Variants in ST8SIA1 observed in about 807,000 individuals in gnomAD.
The protein encoded by ST8SIA1 is ST8 alpha-N-acetyl-neuraminide alpha-2,8-sialyltransferase 1, also known as alpha-N-acetylneuraminide alpha-2,8-sialyltransferase.
Under a neutral mutation model 35.9 loss-of-function variants are expected in ST8SIA1, and 16 were observed. The ratio of observed to expected loss-of-function variants is 0.45; its 90% CI spans 0.30 to 0.68. The LOEUF is 0.68. ST8SIA1 is among the 30% of genes least tolerant of loss of function. ST8SIA1 has a pLI of 0.09. For synonymous variants in ST8SIA1, 170 were observed against 169.6 expected, an observed-to-expected ratio of 1.00 and a Z score of -0.02; for missense variants, 383 against 453.6, an observed-to-expected ratio of 0.84 and a Z score of 1.41.
At chr12:22,249,208 G>GT in intron 3 of ST8SIA1, 110 bp from the exon 4 acceptor site, 55 of 565,508 alleles carry the variant, frequency 9.7e-5, no homozygotes, top group Non-Finnish European at 1.3e-4. Context: ...ACGAGTAACT[G>GT]TTTTGTTTTT....
chr12:22,313,778 GC>G (rs1866482112), intron 1 of ST8SIA1, among the ~76,000 whole-genome samples: 1 of 152,174 alleles, frequency 6.6e-6, no homozygotes, highest in African/African-American at 2.4e-5. Context: ...AGCATGTGTT[GC>G]CAGCAGGAAG....
At chr12:22,207,107 T>C (rs935081758) in intron 4 of ST8SIA1, among the ~76,000 whole-genome samples, 2 of 152,156 alleles carry the variant, frequency 1.3e-5, no homozygotes, top group Non-Finnish European at 2.9e-5. Flanking sequence ...ACAGAAACAG[T>C]GTCCCAGATA....
At chr12:22,262,554 A>G (rs9919724) in intron 2 of ST8SIA1, among the ~76,000 whole-genome samples, 6,263 of 152,244 alleles carry the variant, frequency 0.041, 431 homozygotes, top group African/African-American at 0.14. Context: ...TAATTGTGTG[A>G]CCTCTAGAAG....
rs1865379195 is a variant in ST8SIA1, at chr12:22,228,152, A to T, written c.584+20854T>A. ...AGTGGATGAGGAAAGAGAAGAACTG[A>T]TTAAGAGCAGAAAGGGCATGGCCCT... On this transcript the variant is annotated intron_variant, in intron 4 of 4. Coordinates refer to ENST00000396037, the MANE Select transcript of ST8SIA1 (RefSeq NM_003034.4). Among the ~76,000 whole-genome samples the T allele has an allele frequency of 2.0e-5, 3 of 152,226 alleles. No individual in the cohort carries two copies. In the South Asian group the frequency reaches 6.2e-4, roughly 31 times the overall value.
Position 22,256,882 on chromosome 12 carries a change from C to T in ST8SIA1, c.382-1493G>A, listed in dbSNP as rs558369896. Among the ~76,000 whole-genome samples the T allele has an allele frequency of 2.1e-3, 315 of 152,292 alleles. 3 individuals are homozygous for T. The highest frequency in any genetic ancestry group is 7.2e-3 in the African/African-American group (298 of 41,554). ...CCAGAGAGAAGAGACGGGCAAGAAA[C>T]AGAGGGCTTGGAATCAACACTAGAA... On this transcript the variant is annotated intron_variant, in intron 2 of 4. Coordinates refer to ENST00000396037, the MANE Select transcript of ST8SIA1 (RefSeq NM_003034.4).
intron 1 of ST8SIA1, among the ~76,000 whole-genome samples, chr12:22,294,847 T>C (rs969558565): frequency 1.8e-4 from 28 of 152,216 alleles, no homozygotes; most frequent in African/African-American, 6.8e-4. Context: ...CTAGGAAGGA[T>C]TTCAATGAAT....
intron 1 of ST8SIA1, among the ~76,000 whole-genome samples, chr12:22,295,704 C>T (rs1210429208): frequency 1.3e-5 from 2 of 152,162 alleles, no homozygotes; most frequent in African/African-American, 2.4e-5. Context: ...TGCACTCCAG[C>T]CTGGGCAACA....
At chr12:22,273,359 A>C (rs1265911300) in intron 2 of ST8SIA1, among the ~76,000 whole-genome samples, 1 of 152,152 alleles carries the variant, frequency 6.6e-6, no homozygotes, top group Non-Finnish European at 1.5e-5. Flanking sequence ...ACCTTTTTGC[A>C]CAGTCACAAA....
intron 1 of ST8SIA1, among the ~76,000 whole-genome samples, chr12:22,322,224 C>T (rs1369991030): frequency 2.0e-5 from 3 of 152,250 alleles, no homozygotes; most frequent in Admixed American, 6.5e-5. Flanking sequence ...GTTTGTTTTT[C>T]CTCCCATATA....
chr12:22,251,038 G>C (rs1865663456), intron 3 of ST8SIA1, among the ~76,000 whole-genome samples: 1 of 152,190 alleles, frequency 6.6e-6, no homozygotes, highest in Admixed American at 6.5e-5. Context: ...TGCATTAACA[G>C]CCAGGCTCAT....
chr12:22,309,655 T>C (rs1866426423), intron 1 of ST8SIA1, among the ~76,000 whole-genome samples: 1 of 152,144 alleles, frequency 6.6e-6, no homozygotes. Flanking sequence ...TTCTGGCTTC[T>C]GGTGGGAGGC....
Position 22,255,275 on chromosome 12 carries a change from CTT to C in ST8SIA1, c.491+3_491+4del. 6.2e-7 allele frequency: 1 copy of C among 1,613,650 alleles called. No individual in the cohort carries two copies. The highest frequency in any genetic ancestry group is 8.5e-7 in the Non-Finnish European group (1 of 1,179,536). ...AGAGGCCGCGCTGTGGGTGCTCTCTCTTACCGCATGACAAAATTTGCTTCATC... is the reference window on the plus strand; with the variant it reads ...AGAGGCCGCGCTGTGGGTGCTCTCTCACCGCATGACAAAATTTGCTTCATC... On this transcript the variant is annotated splice_donor_region_variant and intron_variant, in intron 3 of 4. Transcript: ENST00000396037.
intron 1 of ST8SIA1, among the ~76,000 whole-genome samples, chr12:22,301,256 A>G (rs1866315437): frequency 6.6e-6 from 1 of 151,158 alleles, no homozygotes; most frequent in African/African-American, 2.4e-5. Context: ...AGATTGTGAC[A>G]TCAGAATAGT....
intron 1 of ST8SIA1, among the ~76,000 whole-genome samples, chr12:22,320,856 G>T (rs778197640): frequency 7.9e-5 from 9 of 113,962 alleles, no homozygotes; most frequent in Non-Finnish European, 1.7e-4. Flanking sequence ...AGAGAGAGAA[G>T]AAAAAAAGAA....
chr12:22,292,270 G>A (rs1279803579), intron 1 of ST8SIA1, among the ~76,000 whole-genome samples: 1 of 152,090 alleles, frequency 6.6e-6, no homozygotes, highest in African/African-American at 2.4e-5. Context: ...AATCACAATA[G>A]AGAATTCCTC....
chr12:22,197,940 A>C lies in ST8SIA1; in HGVS notation c.*3612T>G, dbSNP rs539857499. 1.3e-5 allele frequency: 2 copies of C among 152,304 alleles called. No homozygotes were observed. The highest frequency in any genetic ancestry group is 2.4e-5 in the African/African-American group (1 of 41,566). The allele number at this position is 152,304 out of a possible 1,614,324, so 9.4% of individuals were successfully genotyped here. On this transcript the variant is annotated 3_prime_UTR_variant, in exon 5 of 5. Coordinates refer to ENST00000396037, the MANE Select transcript of ST8SIA1 (RefSeq NM_003034.4). ...GCAGTTTAGATGTGCAATTTTGTATAAACTTTTGGCAAAATCCTCTATACA... is the reference window on the plus strand; with the variant it reads ...GCAGTTTAGATGTGCAATTTTGTATCAACTTTTGGCAAAATCCTCTATACA...
chr12:22,275,111 G>A (rs1431641719), intron 2 of ST8SIA1, among the ~76,000 whole-genome samples: 1 of 152,134 alleles, frequency 6.6e-6, no homozygotes, highest in African/African-American at 2.4e-5. Context: ...ATGATGCTTT[G>A]GCTGGATCTT....
At chr12:22,251,426 T>C (rs979139017) in intron 3 of ST8SIA1, among the ~76,000 whole-genome samples, 1 of 152,222 alleles carries the variant, frequency 6.6e-6, no homozygotes, top group African/African-American at 2.4e-5. Flanking sequence ...CTTAAAACCA[T>C]GAAGATAACA....
chr12:22,317,925 G>A (rs1866540627), intron 1 of ST8SIA1, among the ~76,000 whole-genome samples: 1 of 152,146 alleles, frequency 6.6e-6, no homozygotes, highest in South Asian at 2.1e-4. Context: ...TACACAGTAA[G>A]GAGATTATAT....
Sources: gnomAD v4.1 joint callset for allele counts (sites outside exome capture counted in the v4.1 genomes callset) on GRCh38, gnomAD v4.1.1 for gene constraint, MANE v1.5 for transcripts, NCBI Gene and HGNC (gene_info 2026-07-23, HGNC 2026-07-21) for gene names.